SENP6: variants seen among roughly 807,000 people sequenced by gnomAD.
The protein encoded by SENP6 is SUMO specific peptidase 6.
A neutral mutation model predicts 134.5 loss-of-function variants in SENP6; 41 were observed. The ratio of observed to expected loss-of-function variants is 0.30; its 90% CI spans 0.24 to 0.40. The LOEUF (loss-of-function observed/expected upper bound fraction) is 0.40, where lower values mean the gene tolerates loss of function less well. SENP6 is among the 10% of genes least tolerant of loss of function. The probability of loss-of-function intolerance (pLI) is 1.00; values close to 1 mark genes in which losing one functional copy is unlikely to be tolerated. For missense variants in SENP6, 1,248 were observed against 1,312.5 expected, an observed-to-expected ratio of 0.95 and a Z score of 0.76; for synonymous variants, 395 against 429.8, an observed-to-expected ratio of 0.92 and a Z score of 1.00.
intron 3 of SENP6, among the ~76,000 whole-genome samples, chr6:75,627,036 T>C (rs1357979991): frequency 3.3e-5 from 5 of 152,192 alleles, no homozygotes; most frequent in Non-Finnish European, 7.3e-5. Flanking sequence ...CGATATCGGC[T>C]CACTGCAACT....
chr6:75,637,481 T>C (rs777013999), intron 5 of SENP6, among the ~76,000 whole-genome samples: 2 of 152,170 alleles, frequency 1.3e-5, no homozygotes, highest in East Asian at 3.8e-4. Flanking sequence ...AGATAGATTG[T>C]TTATACACTA....
rs201042466 is a variant in SENP6, at chr6:75,659,440, A to G, written c.696+33A>G. Reference sequence around the variant, plus strand: ...GAGAAATTATTCTTTGTTGCTAATCAGATTGTGTTTTGATTAATATTAGTT... The same window carrying G: ...GAGAAATTATTCTTTGTTGCTAATCGGATTGTGTTTTGATTAATATTAGTT... On this transcript the variant is annotated intron_variant, in intron 8 of 23. Transcript: ENST00000447266. 2.6e-6 allele frequency: 4 copies of G among 1,554,044 alleles called. No individual in the cohort carries two copies. In the Admixed American group the frequency reaches 5.4e-5, roughly 21 times the overall value.
intron 10 of SENP6, among the ~76,000 whole-genome samples, chr6:75,668,594 G>A (rs1025164865): frequency 1.3e-5 from 2 of 152,208 alleles, no homozygotes; most frequent in Non-Finnish European, 2.9e-5. Flanking sequence ...TCTCAATCTT[G>A]ATCAGTGTTT....
At chr6:75,615,868 T>C (rs1052114107) in intron 1 of SENP6, among the ~76,000 whole-genome samples, 1 of 152,354 alleles carries the variant, frequency 6.6e-6, no homozygotes. Flanking sequence ...ATGAATTCAA[T>C]TTATTTTATT....
intron 1 of SENP6, chr6:75,610,996 C>CA: frequency 8.0e-6 from 1 of 125,268 alleles, no homozygotes; most frequent in East Asian, 2.1e-4. Flanking sequence ...GAGTGGACGA[C>CA]GAGGAACTAG....
chr6:75,715,342 T>A, intron 23 of SENP6, 43 bp from the exon 24 acceptor site: 1 of 1,365,400 alleles, frequency 7.3e-7, no homozygotes, highest in Non-Finnish European at 1.0e-6. Context: ...AATGAAAGGT[T>A]ATTTATTACA....
At chr6:75,692,846 C>T (rs1483627123) in intron 16 of SENP6, among the ~76,000 whole-genome samples, 1 of 151,948 alleles carries the variant, frequency 6.6e-6, no homozygotes, top group Non-Finnish European at 1.5e-5. Context: ...AGCAGACCAC[C>T]TGAGCCCAGA....
chr6:75,627,741 T>C (rs775558049), intron 3 of SENP6, among the ~76,000 whole-genome samples: 132 of 152,294 alleles, frequency 8.7e-4, no homozygotes, highest in Non-Finnish European at 1.0e-3. Context: ...AGTGGTGTGA[T>C]CTCAGCTCAC....
intron 21 of SENP6, among the ~76,000 whole-genome samples, chr6:75,713,066 T>C (rs1392844256): frequency 6.6e-6 from 1 of 152,152 alleles, no homozygotes; most frequent in East Asian, 1.9e-4. Flanking sequence ...GTTATTACGC[T>C]GCTTCACATG....
At position 75,717,314 on chromosome 6, in the gene SENP6, T is replaced by C. The variant is rs983664230; in HGVS notation, c.*1720T>C. 1 of 152,106 alleles carries C rather than the reference T, an allele frequency of 6.6e-6. No homozygotes were observed. Among genetic ancestry groups the C allele is most frequent in the Non-Finnish European group, 1.5e-5 (1 of 67,926 alleles). The allele number at this position is 152,106 out of a possible 1,614,324, so 9.4% of individuals were successfully genotyped here. A position where few individuals can be genotyped will look rare whatever the true frequency, so the allele number is the denominator to read the frequency against. ...ATATTTTGTCAGAATCTGAAGGTAC[T>C]GAAAAACTATTCTAAAATGCCTACT... On this transcript the variant is annotated 3_prime_UTR_variant, in exon 24 of 24. Coordinates refer to ENST00000447266, the MANE Select transcript of SENP6 (RefSeq NM_015571.4).
At chr6:75,613,045 C>CA (rs1307881308) in intron 1 of SENP6, among the ~76,000 whole-genome samples, 10 of 151,656 alleles carry the variant, frequency 6.6e-5, no homozygotes, top group African/African-American at 2.4e-4. Flanking sequence ...ACCCAGGAGG[C>CA]AGAGGTTGCA....
chr6:75,683,018 A>G (rs1330622450), intron 16 of SENP6, among the ~76,000 whole-genome samples: 1 of 152,164 alleles, frequency 6.6e-6, no homozygotes, highest in East Asian at 1.9e-4. Flanking sequence ...TTACACTCCC[A>G]CCAACTGTGT....
chr6:75,670,793 T>C (rs1772614669), intron 11 of SENP6, 73 bp downstream of exon 11: 2 of 758,470 alleles, frequency 2.6e-6, no homozygotes, highest in Non-Finnish European at 3.6e-6. Flanking sequence ...TAATATATAA[T>C]ATTTAAAATT....
At position 75,602,953 on chromosome 6, in the gene SENP6, G is replaced by A. The variant is rs530998590; in HGVS notation, c.52+377G>A. On this transcript the variant is annotated intron_variant, in intron 1 of 23. Transcript: ENST00000447266. Reference sequence around the variant, plus strand: ...TCATGAAAAGTTTCAAATTGCTAAGGTTGGGTGCAACTGGGGACCAATCTA... The same window carrying A: ...TCATGAAAAGTTTCAAATTGCTAAGATTGGGTGCAACTGGGGACCAATCTA... Among the ~76,000 whole-genome samples, 228 of 152,326 alleles carry A rather than the reference G, an allele frequency of 1.5e-3. 2 individuals are homozygous for A. The highest frequency in any genetic ancestry group is 2.7e-3 in the Non-Finnish European group (183 of 68,024).
intron 20 of SENP6, among the ~76,000 whole-genome samples, chr6:75,710,187 A>AT (rs577816765): frequency 2.0e-5 from 3 of 148,940 alleles, no homozygotes; most frequent in Admixed American, 1.3e-4. Context: ...TTTTCCAGTT[A>AT]TTTTTTTTTC....
intron 1 of SENP6, among the ~76,000 whole-genome samples, chr6:75,612,702 A>T (rs1477994583): frequency 6.6e-6 from 1 of 152,182 alleles, no homozygotes; most frequent in Admixed American, 6.5e-5. Flanking sequence ...AAAACTTAAA[A>T]ACAGTACTGA....
intron 19 of SENP6, among the ~76,000 whole-genome samples, chr6:75,707,772 T>C (rs1775502111): frequency 6.6e-6 from 1 of 152,158 alleles, no homozygotes; most frequent in South Asian, 2.1e-4. Context: ...AGTCTCAACC[T>C]CCCAGGCTCA....
intron 19 of SENP6, among the ~76,000 whole-genome samples, chr6:75,706,666 T>A (rs1208425962): frequency 6.6e-6 from 1 of 150,926 alleles, no homozygotes; most frequent in African/African-American, 2.4e-5. Flanking sequence ...GTTTGTACAT[T>A]TTTGTTTTGT....
At chr6:75,689,061 C>A (rs560615513) in intron 16 of SENP6, among the ~76,000 whole-genome samples, 3 of 151,934 alleles carry the variant, frequency 2.0e-5, no homozygotes, top group Non-Finnish European at 4.4e-5. Context: ...AGTGAAACTC[C>A]GTCTCAAGAA....
Sources: allele counts gnomAD v4.1 joint callset (sites outside exome capture counted in the v4.1 genomes callset), GRCh38; gene constraint gnomAD v4.1.1; transcripts MANE v1.5; gene names NCBI Gene and HGNC (gene_info 2026-07-23, HGNC 2026-07-21).